Variants in MTFMT observed in about 807,000 individuals in gnomAD.
The protein encoded by MTFMT is methionyl-tRNA formyltransferase, mitochondrial.
Under a neutral mutation model 51.8 loss-of-function variants are expected in MTFMT, and 47 were observed. The ratio of observed to expected loss-of-function variants is 0.91; its 90% confidence interval spans 0.72 to 1.16. The LOEUF is 1.16. Ranked by LOEUF, MTFMT falls within the 50% of genes most tolerant of loss-of-function variation. The probability of loss-of-function intolerance (pLI) is 0.00; values close to 1 mark genes in which losing one functional copy is unlikely to be tolerated. For missense variants in MTFMT, 512 were observed against 482.3 expected (o/e 1.06, Z -0.58); for synonymous variants, 196 against 176.7 (o/e 1.11, Z -0.87).
At chr15:65,012,947 G>C (rs2086283077) in intron 6 of MTFMT, among the ~76,000 whole-genome samples, 1 of 152,108 alleles carries the variant, frequency 6.6e-6, no homozygotes, top group African/African-American at 2.4e-5. Context: ...TTGGGGAGTA[G>C]AGACATCTTA....
chr15:65,023,753 C>A lies in MTFMT; in HGVS notation c.461G>T (p.Arg154Leu), dbSNP rs556616320. ...TGTATGGATTACAGGGGCTGGGCCACGCCATCTCGGGAGGCAACTGGGATG... is the reference window on the plus strand; with the variant it reads ...TGTATGGATTACAGGGGCTGGGCCAAGCCATCTCGGGAGGCAACTGGGATG... ...NVHPSCLPRW[R>L]GPAPVIHTVL... Residue 154 changes from arginine (R) to leucine (L), a missense_variant, in exon 3 of 9, where the codon CGT becomes CTT. Arg to Leu is a moderately radical substitution (Grantham distance 102). Transcript: ENST00000220058. The A allele has an allele frequency of 6.2e-7, 1 of 1,612,964 alleles. No individual in the cohort carries two copies. The highest frequency in any genetic ancestry group is 2.2e-5 in the East Asian group (1 of 44,854).
In MTFMT at chr15:65,001,674, C is replaced by G. The variant is rs2086177466; in HGVS notation, c.*1388G>C. On this transcript the variant is annotated 3_prime_UTR_variant, in exon 9 of 9. Transcript: ENST00000220058. ...CCCAGGAGTTCAAGACCAGCCTAAGCAACATAGTGAGACCCCTATCTCTAC... is the reference window on the plus strand; with the variant it reads ...CCCAGGAGTTCAAGACCAGCCTAAGGAACATAGTGAGACCCCTATCTCTAC... 6.6e-6 allele frequency: 1 copy of G among 152,068 alleles called. No homozygotes were observed. Among genetic ancestry groups the G allele is most frequent in the Admixed American group, 6.6e-5 (1 of 15,264 alleles). The allele number at this position is 152,068 out of a possible 1,614,324, so 9.4% of individuals were successfully genotyped here. A position where few individuals can be genotyped will look rare whatever the true frequency, so the allele number is the denominator to read the frequency against.
At chr15:65,028,256 C>CA (rs1225666199) in intron 1 of MTFMT, among the ~76,000 whole-genome samples, 1 of 152,114 alleles carries the variant, frequency 6.6e-6, no homozygotes, top group Non-Finnish European at 1.5e-5. Context: ...CCCGCCTCTA[C>CA]AAAAAATTTA....
rs774208069 is a variant in MTFMT at position 65,029,579 on chromosome 15, G to T, written c.35C>A (p.Pro12Gln). 2 of 1,498,780 alleles carry T rather than the reference G, an allele frequency of 1.3e-6. No individual in the cohort carries two copies. The highest frequency in any genetic ancestry group is 1.4e-5 in the African/African-American group (1 of 69,132). The allele number at this position is 1,498,780 out of a possible 1,614,324, so 92.8% of individuals were successfully genotyped here. Residue 12 changes from proline (P) to glutamine (Q), a missense_variant, in exon 1 of 9, where the codon CCG becomes CAG. Coordinates refer to ENST00000220058, the MANE Select transcript of MTFMT (RefSeq NM_139242.4). ...RVLVRRCWGP[P>Q]LAHGARRGRP... ...CCCACGCCTGGCGCCATGAGCCAGC[G>T]GAGGACCCCAACAGCGCCGCACCAA...
At chr15:65,004,266 C>T (rs1175451065) in intron 8 of MTFMT, among the ~76,000 whole-genome samples, 1 of 152,122 alleles carries the variant, frequency 6.6e-6, no homozygotes, top group Non-Finnish European at 1.5e-5. Flanking sequence ...ATCCACCCGC[C>T]TCAGCCTCCC....
intron 6 of MTFMT, 60 bp from the exon 7 acceptor site, chr15:65,006,251 C>A: frequency 7.6e-7 from 1 of 1,323,124 alleles, no homozygotes; most frequent in Non-Finnish European, 1.1e-6. Flanking sequence ...AAACCCTTTT[C>A]AACTACTATT....
In MTFMT at chr15:65,026,927, T is replaced by C. The variant is rs779589103; in HGVS notation, c.323A>G (p.Tyr108Cys). 3.1e-6 allele frequency: 5 copies of C among 1,614,010 alleles called. No homozygotes were observed. The highest frequency in any genetic ancestry group is 3.4e-6 in the Non-Finnish European group (4 of 1,179,890). The change falls in exon 2 of 9, where the codon TAT becomes TGT. Residue 108 changes from tyrosine (Y) to cysteine (C), a missense_variant. Tyr to Cys is a radical substitution (Grantham distance 194, BLOSUM62 -2). Transcript: ENST00000220058. The part of the protein sequence containing the change: ...QYAVQSQLPV[Y>C]EWPDVGSGEY... ...TCCAGATCCCACATCCGGCCACTCATATACGGGAAGCTGAGACTGCACAGC... is the reference window on the plus strand; with the variant it reads ...TCCAGATCCCACATCCGGCCACTCACATACGGGAAGCTGAGACTGCACAGC...
At chr15:65,007,229 C>A (rs1013574311) in intron 6 of MTFMT, among the ~76,000 whole-genome samples, 3 of 152,152 alleles carry the variant, frequency 2.0e-5, no homozygotes, top group Admixed American at 6.5e-5. Context: ...TAATAAATTC[C>A]ACTCTCCTCA....
chr15:65,025,884 T>C (rs929908329), intron 2 of MTFMT, among the ~76,000 whole-genome samples: 1 of 152,082 alleles, frequency 6.6e-6, no homozygotes, highest in African/African-American at 2.4e-5. Flanking sequence ...TAGAGGGTGA[T>C]AAGGAGTTAA....
chr15:65,026,869 G>A lies in MTFMT; in HGVS notation c.381C>T (p.Gly127=). The A allele has an allele frequency of 6.2e-7, 1 of 1,613,770 alleles. No homozygotes were observed. Among genetic ancestry groups the A allele is most frequent in the Non-Finnish European group, 8.5e-7 (1 of 1,179,842 alleles). The change falls in exon 2 of 9, where the codon GGC becomes GGT. Residue 127 remains glycine (G), a synonymous_variant. Transcript: ENST00000220058. ...EYDVGVVASF[G]RLLNEALILK... is the part of the protein sequence containing the mutation. ...GAATAAGAGCCTCATTCAAAAGTCG[G>A]CCAAACGAAGCCACTACTCCAACAT...
intron 1 of MTFMT, among the ~76,000 whole-genome samples, 195 bp from the exon 2 acceptor site, chr15:65,027,235 T>C (rs2086433576): frequency 6.6e-6 from 1 of 151,700 alleles, no homozygotes; most frequent in Admixed American, 6.6e-5. Flanking sequence ...TCTCACTCTG[T>C]CACCCAGGCT....
intron 1 of MTFMT, chr15:65,029,161 G>A (rs2086456337): frequency 4.8e-6 from 3 of 630,144 alleles, no homozygotes; most frequent in Non-Finnish European, 4.0e-6. Context: ...GGGTGGCAGG[G>A]CGCCTGGAGA....
chr15:65,019,970 T>C (rs1025977000), intron 5 of MTFMT, among the ~76,000 whole-genome samples: 2 of 152,166 alleles, frequency 1.3e-5, no homozygotes, highest in Non-Finnish European at 2.9e-5. Context: ...AGTCTTTCTA[T>C]TTAATATTTT....
chr15:65,026,341 C>G (rs2086424167), intron 2 of MTFMT: 1 of 206,042 alleles, frequency 4.9e-6, no homozygotes, highest in South Asian at 9.5e-5. Flanking sequence ...ACACAGCTTA[C>G]AAAAGTTTTG....
At chr15:65,025,283 T>C (rs1360949550) in intron 2 of MTFMT, among the ~76,000 whole-genome samples, 6 of 147,572 alleles carry the variant, frequency 4.1e-5, no homozygotes, top group African/African-American at 7.4e-5. Flanking sequence ...CACATTCCTA[T>C]AGTCTCAGCT....
At chr15:65,026,578 G>T in intron 2 of MTFMT, 1 of 401,180 alleles carries the variant, frequency 2.5e-6, no homozygotes. Flanking sequence ...ATTTCCTATT[G>T]TGTTCCAGAC....
chr15:65,023,939 G>A (rs747770520), intron 2 of MTFMT, 145 bp from the exon 3 acceptor site: 6 of 641,760 alleles, frequency 9.3e-6, no homozygotes, highest in Non-Finnish European at 1.5e-5. Flanking sequence ...CGTATCACCT[G>A]AAAGGAAAAA....
chr15:65,020,086 G>A (rs2086358590), intron 5 of MTFMT, 111 bp downstream of exon 5: 3 of 916,982 alleles, frequency 3.3e-6, no homozygotes, highest in African/African-American at 3.4e-5. Flanking sequence ...ACAAAAGTGG[G>A]CACTCAATCA....
rs866030010 is a variant in MTFMT at position 65,020,365 on chromosome 15, A to G, written c.646-93T>C. 110 of 1,063,304 alleles carry G rather than the reference A, an allele frequency of 1.0e-4. 1 individual carries two copies. The South Asian group carries it at 1.5e-3, about 14-fold the overall frequency. 65.9% of individuals were successfully genotyped at this position (1,063,304 alleles called of 1,614,324 possible). ...ACAATTCAGCACCATGAAATAACCT[A>G]TAACTTTTTTTCTTTTTCTTTTTTC... On this transcript the variant is annotated intron_variant, in intron 4 of 8. Transcript: ENST00000220058.
Sources: allele counts gnomAD v4.1 joint callset (sites outside exome capture counted in the v4.1 genomes callset), GRCh38; gene constraint gnomAD v4.1.1; transcripts MANE v1.5; gene names NCBI Gene and HGNC (gene_info 2026-07-23, HGNC 2026-07-21).